CFAP300: variants seen among roughly 807,000 people sequenced by gnomAD.
CFAP300 encodes cilia and flagella associated protein 300.
A neutral mutation model predicts 33.0 loss-of-function variants in CFAP300; 32 were observed. The ratio of observed to expected loss-of-function variants is 0.97; its 90% CI spans 0.73 to 1.30. The LOEUF (loss-of-function observed/expected upper bound fraction) is 1.30. CFAP300 is among the 50% of genes most tolerant of loss of function. The pLI is 0.00. For missense variants in CFAP300, 356 were observed against 318.1 expected (o/e 1.12, Z -0.90); for synonymous variants, 102 against 106.8 (o/e 0.95, Z 0.28).
chr11:102,069,097 G>C (rs1301566490), intron 4 of CFAP300, among the ~76,000 whole-genome samples: 1 of 152,134 alleles, frequency 6.6e-6, no homozygotes, highest in African/African-American at 2.4e-5. Context: ...ACTGCTTGCT[G>C]TCTGTCTTAT....
intron 3 of CFAP300, among the ~76,000 whole-genome samples, chr11:102,065,884 A>G (rs1942216820): frequency 6.6e-6 from 1 of 152,176 alleles, no homozygotes; most frequent in South Asian, 2.1e-4. Flanking sequence ...AGAATCCTCT[A>G]CTACATTTTT....
chr11:102,077,414 G>T (rs1187091312), intron 5 of CFAP300, among the ~76,000 whole-genome samples: 1 of 152,188 alleles, frequency 6.6e-6, no homozygotes, highest in African/African-American at 2.4e-5. Context: ...TTCTAGCACA[G>T]TCCATCCCTT....
At position 102,072,825 on chromosome 11, in the gene CFAP300, G is replaced by A. The variant is rs79644560; in HGVS notation, c.436-3048G>A. On this transcript the variant is annotated intron_variant, in intron 4 of 6. Coordinates refer to ENST00000434758, the MANE Select transcript of CFAP300 (RefSeq NM_032930.3). ...TCCCGAAGATGTACTTACGGTGTTC[G>A]TTGGGTAGAGCATTTTGGTTTTGAT... Among the ~76,000 whole-genome samples, 1,333 of 152,182 alleles carry A rather than the reference G, an allele frequency of 8.8e-3. 23 individuals are homozygous for A. The highest frequency in any genetic ancestry group is 0.03 in the African/African-American group (1,243 of 41,522).
At chr11:102,074,376 G>A (rs1012800178) in intron 4 of CFAP300, among the ~76,000 whole-genome samples, 3 of 152,074 alleles carry the variant, frequency 2.0e-5, no homozygotes, top group African/African-American at 7.2e-5. Context: ...TAGACTGCTG[G>A]GGTCTTTCAC....
chr11:102,047,551 T>TC lies in CFAP300; in HGVS notation c.81_82insC (p.Lys28GlnfsTer24). On this transcript the variant is annotated frameshift_variant, in exon 1 of 7. Transcript: ENST00000434758. LOFTEE classifies it high-confidence loss of function. ...AGAAAACCTTCCAGTCTCTGAGCTC[T>TC]AAGGAGATCACCAGCCGGCTCCGCC... 2.0e-6 allele frequency: 3 copies of TC among 1,536,010 alleles called. No homozygotes were observed. Among genetic ancestry groups the TC allele is most frequent in the Non-Finnish European group, 2.6e-6 (3 of 1,146,798 alleles).
intron 2 of CFAP300, among the ~76,000 whole-genome samples, chr11:102,057,259 A>G (rs1380128765): frequency 1.3e-5 from 2 of 151,504 alleles, no homozygotes; most frequent in Non-Finnish European, 2.9e-5. Context: ...AAATCGCTTG[A>G]ACCCGGGAGG....
At chr11:102,064,860 A>G (rs1187205487) in intron 3 of CFAP300, among the ~76,000 whole-genome samples, 3 of 152,164 alleles carry the variant, frequency 2.0e-5, no homozygotes, top group Admixed American at 6.5e-5. Context: ...TCTGTAATTT[A>G]ATGGGACCTC....
chr11:102,048,448 G>A (rs1941920677), intron 2 of CFAP300, among the ~76,000 whole-genome samples: 1 of 152,060 alleles, frequency 6.6e-6, no homozygotes, highest in African/African-American at 2.4e-5. Flanking sequence ...TTGAATCCCC[G>A]GGCTCCCAAA....
intron 5 of CFAP300, among the ~76,000 whole-genome samples, chr11:102,080,941 CTG>C (rs1390207844): frequency 6.6e-6 from 1 of 152,172 alleles, no homozygotes; most frequent in Non-Finnish European, 1.5e-5. Flanking sequence ...ATAATTGTCT[CTG>C]TAGCCTGGGA....
intron 2 of CFAP300, among the ~76,000 whole-genome samples, chr11:102,055,539 A>G (rs1942040438): frequency 6.6e-6 from 1 of 150,526 alleles, no homozygotes; most frequent in African/African-American, 2.4e-5. Context: ...TTGTATTTTT[A>G]GTAGAGATGG....
At chr11:102,075,457 G>GA (rs1186497456) in intron 4 of CFAP300, among the ~76,000 whole-genome samples, 1 of 152,200 alleles carries the variant, frequency 6.6e-6, no homozygotes, top group Non-Finnish European at 1.5e-5. Context: ...TCCATAAGAG[G>GA]AGAGAGCTTA....
At chr11:102,079,517 C>A (rs1385888648) in intron 5 of CFAP300, among the ~76,000 whole-genome samples, 2 of 152,224 alleles carry the variant, frequency 1.3e-5, no homozygotes, top group Non-Finnish European at 1.5e-5. Flanking sequence ...GATTGTTGAA[C>A]CCTGAAATGG....
rs771656763 is a variant in CFAP300, at chr11:102,083,454, A to T, written c.*255A>T. 3 of 222,838 alleles carry T rather than the reference A, an allele frequency of 1.3e-5. No individual in the cohort carries two copies. Among genetic ancestry groups the T allele is most frequent in the African/African-American group, 2.3e-5 (1 of 43,980 alleles). 13.8% of individuals were successfully genotyped at this position (222,838 alleles called of 1,614,324 possible). ...TTTTTACAGAAAGTTACAAGGAATTAGAAATCTAGTTCATATTTGTTGCAT... is the reference window on the plus strand; with the variant it reads ...TTTTTACAGAAAGTTACAAGGAATTTGAAATCTAGTTCATATTTGTTGCAT... On this transcript the variant is annotated 3_prime_UTR_variant, in exon 7 of 7. Transcript: ENST00000434758.
chr11:102,052,355 G>A (rs1438773932), intron 2 of CFAP300, among the ~76,000 whole-genome samples: 2 of 152,102 alleles, frequency 1.3e-5, no homozygotes, highest in African/African-American at 4.8e-5. Flanking sequence ...TCCAGTTTAT[G>A]TATCTTTTTC....
intron 3 of CFAP300, among the ~76,000 whole-genome samples, chr11:102,060,989 A>C (rs1053610611): frequency 6.6e-6 from 1 of 152,216 alleles, no homozygotes; most frequent in Non-Finnish European, 1.5e-5. Flanking sequence ...GTGTTTAGAA[A>C]ACATGTTTAC....
At chr11:102,061,442 T>C (rs1591318614) in intron 3 of CFAP300, among the ~76,000 whole-genome samples, 1 of 152,332 alleles carries the variant, frequency 6.6e-6, no homozygotes, top group East Asian at 1.9e-4. Flanking sequence ...TTCACTGTGC[T>C]GCACTCCCTG....
At chr11:102,052,013 C>G (rs1941978795) in intron 2 of CFAP300, among the ~76,000 whole-genome samples, 2 of 152,212 alleles carry the variant, frequency 1.3e-5, no homozygotes, top group Non-Finnish European at 2.9e-5. Context: ...TAATGCCTTA[C>G]TGGAAATTCC....
At position 102,083,701 on chromosome 11, in the gene CFAP300, C is replaced by T. The variant is rs1942508618; in HGVS notation, c.*502C>T. 6.6e-6 allele frequency: 1 copy of T among 152,166 alleles called. No homozygotes were observed. The highest frequency in any genetic ancestry group is 1.5e-5 in the Non-Finnish European group (1 of 68,040). 9.4% of individuals were successfully genotyped at this position (152,166 alleles called of 1,614,324 possible). ...AACAATTCTTTTGCTTCATTTGTTC[C>T]ACTTATAAGCCTCAGTAAAGAAGTA... On this transcript the variant is annotated 3_prime_UTR_variant, in exon 7 of 7. Transcript: ENST00000434758.
In CFAP300 at chr11:102,058,907, C is replaced by G; in HGVS notation, c.220C>G (p.Pro74Ala). The part of the protein sequence containing the change: ...MAFFKDPNVI[P>A]NLKLLSDSSG... ...TTTTTTCAAAGACCCAAATGTTATT[C>G]CCAATTTGAAGTTACTTTCAGATTC... Residue 74 changes from proline to alanine, a missense_variant, in exon 3 of 7, where the codon CCC (proline) becomes GCC (alanine). Pro to Ala is a conservative substitution (Grantham distance 27). Coordinates refer to ENST00000434758, the MANE Select transcript of CFAP300 (RefSeq NM_032930.3). The G allele has an allele frequency of 6.3e-7, 1 of 1,586,588 alleles. No homozygotes were observed. Among genetic ancestry groups the G allele is most frequent in the East Asian group, 2.3e-5 (1 of 44,114 alleles).
Sources: allele counts gnomAD v4.1 joint callset (sites outside exome capture counted in the v4.1 genomes callset), GRCh38; gene constraint gnomAD v4.1.1; transcripts MANE v1.5; gene names NCBI Gene and HGNC (gene_info 2026-07-23, HGNC 2026-07-21).